Variants in GRM7 observed in about 807,000 individuals in gnomAD.
The protein encoded by GRM7 is metabotropic glutamate receptor 7.
In GRM7, 35 loss-of-function variants were observed where a neutral mutation model predicts 84.5. The observed-to-expected ratio is 0.41, with a 90% CI of 0.32 to 0.55. The LOEUF is 0.55. GRM7 is among the 20% of genes least tolerant of loss of function. GRM7 has a pLI of 0.19. For missense variants in GRM7, 1,003 were observed against 1,194.6 expected (o/e 0.84, Z 2.36); for synonymous variants, 487 against 455.1 (o/e 1.07, Z -0.89).
At chr3:7,171,293 C>T (rs183191781) in intron 2 of GRM7, among the ~76,000 whole-genome samples, 1 of 151,982 alleles carries the variant, frequency 6.6e-6, no homozygotes, top group Non-Finnish European at 1.5e-5. Flanking sequence ...TCCAAATGTC[C>T]CCCTTTTTAT....
intron 2 of GRM7, among the ~76,000 whole-genome samples, chr3:7,251,913 A>G (rs1698002422): frequency 6.6e-6 from 1 of 152,210 alleles, no homozygotes; most frequent in Non-Finnish European, 1.5e-5. Context: ...GTTGCTGGAA[A>G]TGAGGCCAAA....
intron 8 of GRM7, among the ~76,000 whole-genome samples, chr3:7,626,384 T>C (rs1213382419): frequency 6.6e-6 from 1 of 152,178 alleles, no homozygotes; most frequent in Non-Finnish European, 1.5e-5. Flanking sequence ...GAAATCGCCA[T>C]GTGGGCATCC....
intron 8 of GRM7, among the ~76,000 whole-genome samples, chr3:7,669,057 G>A (rs921198013): frequency 2.6e-5 from 4 of 152,192 alleles, no homozygotes; most frequent in Non-Finnish European, 4.4e-5. Context: ...GCATAAGCCC[G>A]CATCCAAATC....
chr3:7,594,564 C>T (rs554368150), intron 8 of GRM7, among the ~76,000 whole-genome samples: 19 of 152,194 alleles, frequency 1.2e-4, no homozygotes, highest in African/African-American at 2.9e-4. Context: ...TAAATACAAA[C>T]GTGGCATTAC....
chr3:7,162,672 A>G (rs193007612), intron 2 of GRM7, among the ~76,000 whole-genome samples: 11 of 148,846 alleles, frequency 7.4e-5, no homozygotes, highest in Admixed American at 1.4e-4. Flanking sequence ...TAAAAAGGCA[A>G]TTTGAGGATG....
At chr3:7,069,373 G>T (rs1326221113) in intron 1 of GRM7, among the ~76,000 whole-genome samples, 1 of 151,968 alleles carries the variant, frequency 6.6e-6, no homozygotes, top group African/African-American at 2.4e-5. Flanking sequence ...AGCCCAGAAG[G>T]GAGAGAACCA....
intron 4 of GRM7, among the ~76,000 whole-genome samples, chr3:7,413,890 T>G (rs1181854868): frequency 1.3e-5 from 2 of 152,138 alleles, no homozygotes; most frequent in Non-Finnish European, 2.9e-5. Flanking sequence ...AGCTGGACTC[T>G]GTATTCTTTA....
chr3:7,610,288 G>C (rs958422345), intron 8 of GRM7, among the ~76,000 whole-genome samples: 1 of 152,118 alleles, frequency 6.6e-6, no homozygotes, highest in East Asian at 1.9e-4. Context: ...TAAAGAATTA[G>C]CCATAATAGA....
chr3:7,135,052 G>T (rs941599276), intron 1 of GRM7, among the ~76,000 whole-genome samples: 2 of 152,134 alleles, frequency 1.3e-5, no homozygotes, highest in Non-Finnish European at 2.9e-5. Flanking sequence ...AAAAAGAGTT[G>T]CAATAATTGA....
intron 5 of GRM7, among the ~76,000 whole-genome samples, chr3:7,423,445 A>G (rs1300839592): frequency 6.6e-6 from 1 of 152,218 alleles, no homozygotes; most frequent in African/African-American, 2.4e-5. Flanking sequence ...AAATTAATTC[A>G]TATGCATCTT....
rs959451744 is a variant in GRM7, at chr3:6,990,752, C to A, written c.519+128845C>A. Among the ~76,000 whole-genome samples, 5 of 152,280 alleles carry A rather than the reference C, an allele frequency of 3.3e-5. 1 individual carries two copies. In the East Asian group the frequency reaches 9.6e-4, roughly 29 times the overall value. On this transcript the variant is annotated intron_variant, in intron 1 of 9. Coordinates refer to ENST00000357716, the MANE Select transcript of GRM7 (RefSeq NM_000844.4). ...TTCTTTCTGCAGGATTTGCTTATTT[C>A]TCCCCAACATTCCTCCTTTCCTAGT... is the stretch of plus-strand genomic sequence containing the variant.
At chr3:7,714,387 G>A (rs1470697289) in intron 9 of GRM7, among the ~76,000 whole-genome samples, 1 of 152,184 alleles carries the variant, frequency 6.6e-6, no homozygotes, top group African/African-American at 2.4e-5. Flanking sequence ...TAAACTGTGT[G>A]TGTGCCAACA....
In GRM7 at chr3:7,681,589, T is replaced by C. The variant is rs576895000; in HGVS notation, c.2698+1294T>C. On this transcript the variant is annotated intron_variant, in intron 9 of 9. Transcript: ENST00000357716. Reference sequence around the variant, plus strand: ...TGTGACAGAAGTCCTAGGACAAGTCTAAAGGAACATACTGAGAAGGGAGGA... The same window carrying C: ...TGTGACAGAAGTCCTAGGACAAGTCCAAAGGAACATACTGAGAAGGGAGGA... 7 of 152,286 alleles carry C rather than the reference T, an allele frequency of 4.6e-5. No homozygotes were observed. In the East Asian group the frequency reaches 1.4e-3, roughly 29 times the overall value. The allele number at this position is 152,286 out of a possible 1,614,324, so 9.4% of individuals were successfully genotyped here.
intron 4 of GRM7, among the ~76,000 whole-genome samples, chr3:7,395,914 C>T (rs1695195094): frequency 6.6e-6 from 1 of 152,076 alleles, no homozygotes; most frequent in Admixed American, 6.6e-5. Flanking sequence ...AATATTCAAT[C>T]TTCTCACGCA....
At chr3:7,319,993 C>T (rs958120092) in intron 4 of GRM7, among the ~76,000 whole-genome samples, 7 of 152,012 alleles carry the variant, frequency 4.6e-5, no homozygotes, top group Non-Finnish European at 7.4e-5. Flanking sequence ...CTCAGGGTTC[C>T]ATTTCCTGTC....
chr3:7,286,565 A>G (rs1699438027), intron 2 of GRM7, among the ~76,000 whole-genome samples: 2 of 152,194 alleles, frequency 1.3e-5, no homozygotes, highest in Admixed American at 1.3e-4. Flanking sequence ...CCCTTTGAAT[A>G]TGTAATGACA....
intron 4 of GRM7, among the ~76,000 whole-genome samples, chr3:7,406,726 G>A (rs1575289223): frequency 6.6e-6 from 1 of 152,002 alleles, no homozygotes; most frequent in African/African-American, 2.4e-5. Context: ...TCACATATCT[G>A]GTAAAACTAA....
chr3:7,252,439 G>T (rs1698026510), intron 2 of GRM7, among the ~76,000 whole-genome samples: 1 of 152,160 alleles, frequency 6.6e-6, no homozygotes, highest in South Asian at 2.1e-4. Flanking sequence ...TAAAGTGGCA[G>T]TTCTCCCCCT....
At chr3:6,913,794 C>T (rs1189611237) in intron 1 of GRM7, among the ~76,000 whole-genome samples, 1 of 152,122 alleles carries the variant, frequency 6.6e-6, no homozygotes, top group Non-Finnish European at 1.5e-5. Context: ...TTCTGATCAG[C>T]TTGATGCAAT....
Sources: allele counts gnomAD v4.1 joint callset (sites outside exome capture counted in the v4.1 genomes callset), GRCh38; gene constraint gnomAD v4.1.1; transcripts MANE v1.5; gene names NCBI Gene and HGNC (gene_info 2026-07-23, HGNC 2026-07-21).